Variants in RORB observed in about 807,000 individuals in gnomAD.
The protein encoded by RORB is nuclear receptor ROR-beta.
A neutral mutation model predicts 59.1 loss-of-function variants in RORB; 6 were observed. The ratio of observed to expected loss-of-function variants is 0.10; its 90% CI spans 0.06 to 0.20. RORB has a LOEUF of 0.20. Ranked by LOEUF, RORB falls within the 10% of genes least tolerant of loss-of-function variation. The pLI is 1.00. For synonymous variants in RORB, 215 were observed against 204.5 expected (o/e 1.05, Z -0.44); for missense variants, 320 against 560.5 (o/e 0.57, Z 4.33).
At chr9:74,603,670 A>T (rs1344113525) in intron 1 of RORB, among the ~76,000 whole-genome samples, 1 of 152,264 alleles carries the variant, frequency 6.6e-6, no homozygotes, top group Non-Finnish European at 1.5e-5. Context: ...TAACTTACTT[A>T]GTCCATTACT....
At chr9:74,669,454 G>A (rs1280041262) in intron 8 of RORB, among the ~76,000 whole-genome samples, 1 of 148,326 alleles carries the variant, frequency 6.7e-6, no homozygotes. Flanking sequence ...ACTCCAGCCT[G>A]GGCAACAAGA....
At chr9:74,655,258 G>A (rs1287564832) in intron 4 of RORB, among the ~76,000 whole-genome samples, 2 of 152,174 alleles carry the variant, frequency 1.3e-5, no homozygotes, top group African/African-American at 4.8e-5. Context: ...CTCATCCGTG[G>A]TCTCAGGAAG....
At chr9:74,513,130 G>T (rs1364691012) in intron 1 of RORB, among the ~76,000 whole-genome samples, 1 of 152,112 alleles carries the variant, frequency 6.6e-6, no homozygotes, top group East Asian at 1.9e-4. Context: ...GTTTAAAGAA[G>T]TGAGTTCAAT....
chr9:74,662,381 G>T, intron 5 of RORB, 93 bp from the exon 6 acceptor site: 1 of 1,220,998 alleles, frequency 8.2e-7, no homozygotes, highest in South Asian at 1.4e-5. Flanking sequence ...GGCCCCAAGT[G>T]ACAGATAAGC....
chr9:74,666,317 T>C (rs1002543158), intron 7 of RORB, among the ~76,000 whole-genome samples: 1 of 151,534 alleles, frequency 6.6e-6, no homozygotes, highest in African/African-American at 2.4e-5. Context: ...TAAAATTAGC[T>C]GGGCATGGTG....
chr9:74,560,419 G>A (rs545564291), intron 1 of RORB, among the ~76,000 whole-genome samples: 3 of 152,094 alleles, frequency 2.0e-5, no homozygotes, highest in African/African-American at 7.2e-5. Context: ...AAAGAGCGCT[G>A]TATCTCCATC....
chr9:74,530,848 T>G, intron 1 of RORB, among the ~76,000 whole-genome samples: 1 of 151,948 alleles, frequency 6.6e-6, no homozygotes, highest in Non-Finnish European at 1.5e-5. Context: ...ACATTAGGTG[T>G]ATCTCCTAAT....
intron 1 of RORB, among the ~76,000 whole-genome samples, chr9:74,568,155 A>G (rs1371270352): frequency 6.6e-6 from 1 of 152,208 alleles, no homozygotes; most frequent in African/African-American, 2.4e-5. Flanking sequence ...TTTGACACAC[A>G]AGACAAAATA....
At chr9:74,669,557 A>G (rs1346627498) in intron 8 of RORB, among the ~76,000 whole-genome samples, 1 of 151,676 alleles carries the variant, frequency 6.6e-6, no homozygotes. Flanking sequence ...AACAACAATA[A>G]TATAGTAATA....
At chr9:74,554,170 G>A (rs146696910) in intron 1 of RORB, among the ~76,000 whole-genome samples, 424 of 152,266 alleles carry the variant, frequency 2.8e-3, no homozygotes, top group Non-Finnish European at 4.6e-3. Flanking sequence ...GATTGCACAG[G>A]TGAGATAAAT....
chr9:74,644,006 T>C (rs1351292191), intron 4 of RORB, among the ~76,000 whole-genome samples: 1 of 152,234 alleles, frequency 6.6e-6, no homozygotes, highest in African/African-American at 2.4e-5. Context: ...ACTCAGGAAG[T>C]GCTCAATAAC....
intron 9 of RORB, among the ~76,000 whole-genome samples, chr9:74,676,523 T>G (rs1729743249): frequency 6.6e-6 from 1 of 152,226 alleles, no homozygotes; most frequent in Admixed American, 6.5e-5. Context: ...TTCAATTCAC[T>G]TCTGAAAACA....
chr9:74,637,794 TAATTTA>T (rs1202620507), intron 3 of RORB, among the ~76,000 whole-genome samples: 4 of 152,216 alleles, frequency 2.6e-5, no homozygotes, highest in Non-Finnish European at 1.5e-5. Context: ...ACTATTTAAA[TAATTTA>T]AATTTAAATG....
chr9:74,601,371 T>TTATA (rs5898364), intron 1 of RORB, among the ~76,000 whole-genome samples: 19 of 147,528 alleles, frequency 1.3e-4, no homozygotes, highest in East Asian at 9.9e-4. Flanking sequence ...AATATGTGAA[T>TTATA]TATATATATA....
intron 1 of RORB, among the ~76,000 whole-genome samples, chr9:74,592,281 C>G (rs1465127735): frequency 6.6e-6 from 1 of 152,146 alleles, no homozygotes; most frequent in Non-Finnish European, 1.5e-5. Flanking sequence ...TTCAAATTAT[C>G]AGGCCCCATC....
intron 1 of RORB, among the ~76,000 whole-genome samples, chr9:74,547,282 A>T (rs914052084): frequency 1.3e-5 from 2 of 152,142 alleles, no homozygotes; most frequent in Non-Finnish European, 2.9e-5. Context: ...GGCTTTAAAT[A>T]AGGTGGTGGT....
intron 3 of RORB, among the ~76,000 whole-genome samples, chr9:74,638,910 T>C (rs1176989250): frequency 6.6e-6 from 1 of 152,194 alleles, no homozygotes; most frequent in Admixed American, 6.5e-5. Flanking sequence ...AACTCTAAAA[T>C]GTAGTAGTTT....
intron 1 of RORB, among the ~76,000 whole-genome samples, chr9:74,612,254 T>G (rs1823241447): frequency 6.6e-6 from 1 of 151,930 alleles, no homozygotes; most frequent in Non-Finnish European, 1.5e-5. Context: ...AAGGAGGAGA[T>G]AGAGGTGGCA....
intron 1 of RORB, among the ~76,000 whole-genome samples, chr9:74,565,784 A>G (rs569242207): frequency 2.8e-4 from 43 of 152,274 alleles, no homozygotes; most frequent in African/African-American, 1.0e-3. Context: ...ATTATCCTAC[A>G]GATATGCTGT....
Sources: gnomAD v4.1 joint callset for allele counts (sites outside exome capture counted in the v4.1 genomes callset) on GRCh38, gnomAD v4.1.1 for gene constraint, MANE v1.5 for transcripts, NCBI Gene and HGNC (gene_info 2026-07-23, HGNC 2026-07-21) for gene names.